EFR3B: variants seen among roughly 807,000 people sequenced by gnomAD.
The protein encoded by EFR3B is protein EFR3 homolog B.
Under a neutral mutation model 104.7 loss-of-function variants are expected in EFR3B, and 64 were observed. That is an observed-to-expected ratio of 0.61 (90% CI 0.50 to 0.75). The LOEUF (loss-of-function observed/expected upper bound fraction) is 0.75, where lower values mean the gene tolerates loss of function less well. EFR3B is among the 30% of genes least tolerant of loss of function. The pLI is 0.00. For missense variants in EFR3B, 750 were observed against 1,078.5 expected (o/e 0.70, Z 4.27); for synonymous variants, 385 against 417.9 (o/e 0.92, Z 0.96).
chr2:25,095,424 G>A (rs1166917474), intron 3 of EFR3B, among the ~76,000 whole-genome samples: 3 of 152,102 alleles, frequency 2.0e-5, no homozygotes, highest in Non-Finnish European at 2.9e-5. Flanking sequence ...GGCCAGGTGC[G>A]GTGGCTCATG....
At chr2:25,152,584 G>A (rs529012690) in intron 21 of EFR3B, among the ~76,000 whole-genome samples, 1 of 152,246 alleles carries the variant, frequency 6.6e-6, no homozygotes, top group East Asian at 1.9e-4. Flanking sequence ...CCTTGGCAAA[G>A]AGATCAGAGA....
At position 25,135,324 on chromosome 2, in the gene EFR3B, T is replaced by G. The variant is rs1490372272; in HGVS notation, c.1312-143T>G. Reference sequence around the variant, plus strand: ...GGAGTGTTCAAAGAGTTGCCTGGGCTGTAGGGTAGGGGAGGCTGGATTGGG... The same window carrying G: ...GGAGTGTTCAAAGAGTTGCCTGGGCGGTAGGGTAGGGGAGGCTGGATTGGG... On this transcript the variant is annotated intron_variant, in intron 12 of 22. Coordinates refer to ENST00000403714, the MANE Select transcript of EFR3B (RefSeq NM_014971.2). The G allele has an allele frequency of 6.5e-6, 6 of 917,920 alleles. No individual in the cohort carries two copies. The East Asian group carries it at 1.6e-4, about 24-fold the overall frequency. 56.9% of individuals were successfully genotyped at this position (917,920 alleles called of 1,614,324 possible). A position where few individuals can be genotyped will look rare whatever the true frequency, so the allele number is the denominator to read the frequency against.
intron 1 of EFR3B, among the ~76,000 whole-genome samples, chr2:25,084,210 GTTAA>G (rs1438484007): frequency 6.6e-6 from 1 of 151,722 alleles, no homozygotes; most frequent in Non-Finnish European, 1.5e-5. Flanking sequence ...ACAGGTCTCA[GTTAA>G]TTAATTATTT....
chr2:25,080,034 C>A, intron 1 of EFR3B: 1 of 883,524 alleles, frequency 1.1e-6, no homozygotes, highest in South Asian at 1.3e-5. Context: ...ACTGTCTGCT[C>A]TCGGTGCCTT....
intron 1 of EFR3B, among the ~76,000 whole-genome samples, chr2:25,056,638 G>A (rs1029544278): frequency 4.0e-5 from 6 of 151,864 alleles, no homozygotes; most frequent in African/African-American, 1.5e-4. Context: ...AAACAGCAGG[G>A]TCTTCCCATT....
rs879190654 is a variant in EFR3B at position 25,149,605 on chromosome 2, C to T, written c.2143-89C>T. Reference sequence around the variant, plus strand: ...CCCACTGGGACTTTCTTCCAACAAGCAAGGGGCTGCCAGAGAGCTGGGGGT... The same window carrying T: ...CCCACTGGGACTTTCTTCCAACAAGTAAGGGGCTGCCAGAGAGCTGGGGGT... On this transcript the variant is annotated intron_variant, in intron 19 of 22. Transcript: ENST00000403714. 7.1e-5 allele frequency: 97 copies of T among 1,358,046 alleles called. No homozygotes were observed. In the South Asian group the frequency reaches 1.1e-3, roughly 16 times the overall value. The allele number at this position is 1,358,046 out of a possible 1,614,324, so 84.1% of individuals were successfully genotyped here. A position where few individuals can be genotyped will look rare whatever the true frequency, so the allele number is the denominator to read the frequency against.
Position 25,092,989 on chromosome 2 carries a change from G to C in EFR3B, c.85-14G>C. The C allele has an allele frequency of 6.5e-7, 1 of 1,542,518 alleles. No homozygotes were observed. Among genetic ancestry groups the C allele is most frequent in the Middle Eastern group, 1.7e-4 (1 of 5,988 alleles). On this transcript the variant is annotated splice_polypyrimidine_tract_variant and intron_variant, in intron 2 of 22. Coordinates refer to ENST00000403714, the MANE Select transcript of EFR3B (RefSeq NM_014971.2). Reference sequence around the variant, plus strand: ...AGTGTGGCCATAGTGAGCACAAGCTGTTTTCTCCTACAGGATGGTCTGGTG... The same window carrying C: ...AGTGTGGCCATAGTGAGCACAAGCTCTTTTCTCCTACAGGATGGTCTGGTG...
intron 1 of EFR3B, chr2:25,080,699 C>T (rs1457405647): frequency 3.3e-5 from 27 of 828,472 alleles, no homozygotes; most frequent in East Asian, 3.0e-4. Context: ...GCCTTAGCAG[C>T]GTCTTTGTCA....
intron 19 of EFR3B, chr2:25,147,838 T>C (rs1670859629): frequency 6.6e-6 from 1 of 152,006 alleles, no homozygotes; most frequent in African/African-American, 2.4e-5. Flanking sequence ...CTGATCAACA[T>C]GGTGAAACCC....
At chr2:25,092,571 C>T (rs569815254) in intron 2 of EFR3B, among the ~76,000 whole-genome samples, 127 of 152,064 alleles carry the variant, frequency 8.4e-4, no homozygotes, top group African/African-American at 2.8e-3. Context: ...CCCCCCGAGA[C>T]GGAGTCTCAC....
At chr2:25,076,825 C>G (rs1044754703) in intron 1 of EFR3B, among the ~76,000 whole-genome samples, 2 of 152,160 alleles carry the variant, frequency 1.3e-5, no homozygotes, top group Non-Finnish European at 2.9e-5. Flanking sequence ...GTGAGTGTCT[C>G]GGAAGCTCTA....
intron 1 of EFR3B, 100 bp from the exon 2 acceptor site, chr2:25,091,221 CCTGT>C: frequency 9.1e-7 from 1 of 1,093,522 alleles, no homozygotes; most frequent in Non-Finnish European, 1.3e-6. Flanking sequence ...CTGATTCCAG[CCTGT>C]CTGTTTCCTG....
intron 4 of EFR3B, among the ~76,000 whole-genome samples, chr2:25,117,231 G>T (rs1454860917): frequency 6.6e-6 from 1 of 152,128 alleles, no homozygotes; most frequent in Non-Finnish European, 1.5e-5. Flanking sequence ...CTTCCCAGGT[G>T]TGGGCCTCAG....
At chr2:25,151,286 C>T (rs1018836279) in intron 20 of EFR3B, among the ~76,000 whole-genome samples, 2 of 151,942 alleles carry the variant, frequency 1.3e-5, no homozygotes, top group African/African-American at 4.8e-5. Flanking sequence ...GATGGAGTCT[C>T]GCTCTGTCAC....
At chr2:25,100,835 C>T (rs986027455) in intron 3 of EFR3B, among the ~76,000 whole-genome samples, 3 of 152,180 alleles carry the variant, frequency 2.0e-5, no homozygotes, top group Non-Finnish European at 4.4e-5. Flanking sequence ...TTCTATTCCA[C>T]ATGATTTGAC....
In EFR3B at chr2:25,093,003, G is replaced by T. The variant is rs1324345112; in HGVS notation, c.85G>T (p.Asp29Tyr). 2 of 1,545,024 alleles carry T rather than the reference G, an allele frequency of 1.3e-6. No homozygotes were observed. The highest frequency in any genetic ancestry group is 2.0e-5 in the Admixed American group (1 of 51,008). ...GAGCACAAGCTGTTTTCTCCTACAG[G>T]ATGGTCTGGTGAAGACCAACATGGA... Reference protein sequence around the residue: ...VDNIFPEDPEDGLVKTNMEKL... With the variant: ...VDNIFPEDPEYGLVKTNMEKL... Residue 29 changes from aspartate to tyrosine, a missense_variant and splice_region_variant, in exon 3 of 23, where the codon GAT becomes TAT. Physicochemically the swap from Asp to Tyr is radical, Grantham distance 160. Coordinates refer to ENST00000403714, the MANE Select transcript of EFR3B (RefSeq NM_014971.2).
intron 1 of EFR3B, among the ~76,000 whole-genome samples, chr2:25,085,856 A>G (rs1409539570): frequency 2.0e-5 from 3 of 150,656 alleles, no homozygotes; most frequent in African/African-American, 4.9e-5. Context: ...CTGGCTTCAT[A>G]TATTTATTTG....
intron 5 of EFR3B, among the ~76,000 whole-genome samples, chr2:25,124,822 T>A (rs1209150262): frequency 6.7e-6 from 1 of 149,198 alleles, no homozygotes; most frequent in Non-Finnish European, 1.5e-5. Context: ...TTTGGGAGGC[T>A]GAGGCAGGCA....
At chr2:25,072,799 G>C (rs1406539426) in intron 1 of EFR3B, among the ~76,000 whole-genome samples, 3 of 152,142 alleles carry the variant, frequency 2.0e-5, no homozygotes, top group African/African-American at 7.2e-5. Context: ...CAGCCTTGGG[G>C]CCCACAGGAC....
Sources: allele counts gnomAD v4.1 joint callset (sites outside exome capture counted in the v4.1 genomes callset), GRCh38; gene constraint gnomAD v4.1.1; transcripts MANE v1.5; gene names NCBI Gene and HGNC (gene_info 2026-07-23, HGNC 2026-07-21).